The following UBE2J1 variants were observed in gnomAD, a reference collection of about 807,000 sequenced individuals.
The protein encoded by UBE2J1 is ubiquitin-conjugating enzyme E2 J1.
In UBE2J1, 17 loss-of-function variants were observed where a neutral mutation model predicts 42.1. That is an observed-to-expected ratio of 0.40 (90% confidence interval 0.28 to 0.61). The LOEUF is 0.61. Ranked by LOEUF, UBE2J1 falls within the 20% of genes least tolerant of loss-of-function variation. The pLI, the probability that UBE2J1 is intolerant of heterozygous loss-of-function variation, is 0.38. For synonymous variants in UBE2J1, 127 were observed against 137.2 expected (o/e 0.93, Z 0.52); for missense variants, 291 against 389.4 (o/e 0.75, Z 2.13).
At chr6:89,352,461 G>A (rs1285384035) in intron 1 of UBE2J1, 78 bp downstream of exon 1, 1 of 1,452,696 alleles carries the variant, frequency 6.9e-7, no homozygotes, top group South Asian at 1.2e-5. Flanking sequence ...CGCCAGACGC[G>A]AGGGGACCGA....
chr6:89,349,430 T>G (rs1027949010), intron 1 of UBE2J1, among the ~76,000 whole-genome samples: 2 of 152,132 alleles, frequency 1.3e-5, no homozygotes, highest in African/African-American at 4.8e-5. Context: ...CAACAGTGAC[T>G]GATTAGATAT....
chr6:89,346,440 T>C (rs1471420360), intron 1 of UBE2J1, among the ~76,000 whole-genome samples: 3 of 152,110 alleles, frequency 2.0e-5, no homozygotes, highest in Non-Finnish European at 1.5e-5. Context: ...AGACACCCTC[T>C]CCCTCCAAGT....
chr6:89,330,756 C>T (rs187633356), intron 7 of UBE2J1, among the ~76,000 whole-genome samples: 7 of 152,002 alleles, frequency 4.6e-5, no homozygotes, highest in Non-Finnish European at 8.8e-5. Context: ...TGATCACATG[C>T]CTGCACTCCA....
At chr6:89,351,745 C>G (rs1370657120) in intron 1 of UBE2J1, among the ~76,000 whole-genome samples, 1 of 152,122 alleles carries the variant, frequency 6.6e-6, no homozygotes, top group South Asian at 2.1e-4. Flanking sequence ...AGAAAAAATA[C>G]CATTTAGAGG....
chr6:89,338,718 T>G (rs1768166590), intron 3 of UBE2J1, among the ~76,000 whole-genome samples, 175 bp from the exon 4 acceptor site: 1 of 130,708 alleles, frequency 7.7e-6, no homozygotes, highest in Non-Finnish European at 1.5e-5. Flanking sequence ...CAGGCTGGAG[T>G]GCAGTGGTGT....
chr6:89,338,171 T>C, intron 5 of UBE2J1, 34 bp downstream of exon 5: 1 of 1,514,522 alleles, frequency 6.6e-7, no homozygotes, highest in Non-Finnish European at 9.1e-7. Flanking sequence ...TGAATACTAT[T>C]CAGACCTCAA....
chr6:89,333,093 CTG>C lies in UBE2J1; in HGVS notation c.669_670del (p.Ser224TyrfsTer22). On this transcript the variant is annotated frameshift_variant, in exon 7 of 8. Transcript: ENST00000435041. LOFTEE classifies it high-confidence loss of function. ...AAAAGATAAGAGCCATACCGATGTA[CTG>C]GCCGTAGCACCCTGGAATGTTGTAG... 1 of 1,608,830 alleles carries C rather than the reference CTG, an allele frequency of 6.2e-7. No individual in the cohort carries two copies. Among genetic ancestry groups the C allele is most frequent in the Non-Finnish European group, 8.5e-7 (1 of 1,177,630 alleles).
intron 2 of UBE2J1, among the ~76,000 whole-genome samples, chr6:89,343,193 T>C (rs1182790575): frequency 6.6e-6 from 1 of 152,108 alleles, no homozygotes; most frequent in Non-Finnish European, 1.5e-5. Flanking sequence ...TCCCAGCACT[T>C]TGGGAGGCCA....
intron 6 of UBE2J1, 83 bp downstream of exon 6, chr6:89,335,219 C>A: frequency 7.9e-7 from 1 of 1,264,378 alleles, no homozygotes. Flanking sequence ...TGTAATAGAA[C>A]TGCATCGCTT....
At chr6:89,340,773 T>TG (rs59444424) in intron 3 of UBE2J1, among the ~76,000 whole-genome samples, 16 of 147,478 alleles carry the variant, frequency 1.1e-4, no homozygotes, top group African/African-American at 3.0e-4. Context: ...TATTTATTTA[T>TG]GTTTTTTTTT....
Position 89,338,657 on chromosome 6 carries a change from G to GTTTTTT in UBE2J1, c.238-120_238-115dup, listed in dbSNP as rs11300340. 5.7e-5 allele frequency: 6 copies of GTTTTTT among 105,468 alleles called. 1 individual carries two copies. Among genetic ancestry groups the GTTTTTT allele is most frequent in the Non-Finnish European group, 8.6e-5 (5 of 58,256 alleles). 6.5% of individuals were successfully genotyped at this position (105,468 alleles called of 1,614,324 possible). On this transcript the variant is annotated intron_variant, in intron 3 of 7. Coordinates refer to ENST00000435041, the MANE Select transcript of UBE2J1 (RefSeq NM_016021.3). ...TTTTAGAGATTATCTTAAAAAGTTT[G>GTTTTTT]TTTTTTTTTTTTTTTTTTTTTTTTT... is the stretch of plus-strand genomic sequence containing the variant.
At chr6:89,343,823 C>A in intron 1 of UBE2J1, 67 bp from the exon 2 acceptor site, 1 of 1,278,694 alleles carries the variant, frequency 7.8e-7, no homozygotes, top group Non-Finnish European at 1.1e-6. Flanking sequence ...CACAGTCTTA[C>A]GAGCCTAATG....
intron 1 of UBE2J1, among the ~76,000 whole-genome samples, chr6:89,345,327 C>T (rs1257982931): frequency 6.6e-6 from 1 of 152,168 alleles, no homozygotes; most frequent in Non-Finnish European, 1.5e-5. Context: ...TGAGGCCAGG[C>T]GTGGTGGCTC....
chr6:89,349,552 G>C (rs1221059089), intron 1 of UBE2J1, among the ~76,000 whole-genome samples: 1 of 152,172 alleles, frequency 6.6e-6, no homozygotes, highest in Non-Finnish European at 1.5e-5. Context: ...GTCTATCCCT[G>C]AGATATGAAA....
rs1768265467 is a variant in UBE2J1, at chr6:89,342,456, C to T, written c.106-1G>A. ...TGAAGTGCCATTCAAAAAGGTTATCCTGAACAAAAACAATAATCCACAAGG... is the reference window on the plus strand; with the variant it reads ...TGAAGTGCCATTCAAAAAGGTTATCTTGAACAAAAACAATAATCCACAAGG... On this transcript the variant is annotated splice_acceptor_variant, in intron 2 of 7. Transcript: ENST00000435041. LOFTEE classifies it high-confidence loss of function. 1 of 1,593,278 alleles carries T rather than the reference C, an allele frequency of 6.3e-7. No individual in the cohort carries two copies. Among genetic ancestry groups the T allele is most frequent in the Admixed American group, 1.9e-5 (1 of 53,716 alleles).
intron 3 of UBE2J1, among the ~76,000 whole-genome samples, chr6:89,340,869 G>A (rs1438037245): frequency 2.6e-5 from 4 of 151,098 alleles, no homozygotes; most frequent in East Asian, 3.9e-4. Context: ...TCCGCTTCCC[G>A]GGTTCACGCC....
rs1768153094 is a variant in UBE2J1 at position 89,338,443 on chromosome 6, A to C, written c.322+16T>G. On this transcript the variant is annotated intron_variant, in intron 4 of 7. Coordinates refer to ENST00000435041, the MANE Select transcript of UBE2J1 (RefSeq NM_016021.3). ...TGAAGTTATGAGATTTATATTCACTATAAATTAACACTTACTACTCCACGA... is the reference window on the plus strand; with the variant it reads ...TGAAGTTATGAGATTTATATTCACTCTAAATTAACACTTACTACTCCACGA... 1 of 1,603,242 alleles carries C rather than the reference A, an allele frequency of 6.2e-7. No homozygotes were observed. Among genetic ancestry groups the C allele is most frequent in the Admixed American group, 1.7e-5 (1 of 59,510 alleles).
chr6:89,332,394 A>G (rs1463869406), intron 7 of UBE2J1, among the ~76,000 whole-genome samples: 1 of 152,194 alleles, frequency 6.6e-6, no homozygotes, highest in Non-Finnish European at 1.5e-5. Context: ...TTCTTAGACA[A>G]CAGGTCAGGG....
chr6:89,343,618 G>A, intron 2 of UBE2J1, 65 bp downstream of exon 2: 1 of 1,270,534 alleles, frequency 7.9e-7, no homozygotes, highest in Non-Finnish European at 1.1e-6. Flanking sequence ...GCAATGAAAA[G>A]CAATTTTAAA....
Sources: gnomAD v4.1 joint callset for allele counts (sites outside exome capture counted in the v4.1 genomes callset) on GRCh38, gnomAD v4.1.1 for gene constraint, MANE v1.5 for transcripts, NCBI Gene and HGNC (gene_info 2026-07-23, HGNC 2026-07-21) for gene names.